Variants in SNTG2 observed in about 807,000 individuals in gnomAD.
The protein encoded by SNTG2 is gamma-2-syntrophin.
SNTG2 carries 74 observed loss-of-function variants against 70.9 expected under a neutral mutation model. The ratio of observed to expected loss-of-function variants is 1.04; its 90% CI spans 0.86 to 1.27. The LOEUF (loss-of-function observed/expected upper bound fraction) is 1.27, where lower values mean the gene tolerates loss of function less well. Among genes scored for constraint, SNTG2 ranks in the 50% most tolerant of loss-of-function variants. SNTG2 has a pLI of 0.00. For missense variants in SNTG2, 717 were observed against 690.7 expected (o/e 1.04, Z -0.43); for synonymous variants, 278 against 273.8 (o/e 1.02, Z -0.15).
At chr2:1,293,271 A>G (rs1680064501) in intron 14 of SNTG2, among the ~76,000 whole-genome samples, 1 of 151,560 alleles carries the variant, frequency 6.6e-6, no homozygotes, top group South Asian at 2.1e-4. Context: ...CAGATAAAGC[A>G]TTGCCATTTT....
intron 16 of SNTG2, among the ~76,000 whole-genome samples, chr2:1,336,760 A>G (rs1022931019): frequency 6.6e-6 from 1 of 152,044 alleles, no homozygotes; most frequent in Non-Finnish European, 1.5e-5. Flanking sequence ...TAAAGGAGCA[A>G]CTGATGGTAA....
chr2:1,203,114 A>G (rs4505565), intron 8 of SNTG2, among the ~76,000 whole-genome samples: 32,708 of 152,128 alleles, frequency 0.22, 4,567 homozygotes, highest in East Asian at 0.42. Flanking sequence ...CCAGAATGCA[A>G]TTTCTTTTCA....
At chr2:1,336,501 T>C (rs1659824198) in intron 16 of SNTG2, among the ~76,000 whole-genome samples, 1 of 152,226 alleles carries the variant, frequency 6.6e-6, no homozygotes, top group Non-Finnish European at 1.5e-5. Context: ...TCATCGCTTA[T>C]GCCTTTGGAA....
Position 1,267,752 on chromosome 2 carries a change from A to ACC in SNTG2, c.1284+181_1284+182insCC, listed in dbSNP as rs1227574385. 3.6e-4 allele frequency among the ~76,000 whole-genome samples: 53 copies of ACC among 147,126 alleles called. No individual in the cohort carries two copies. In the South Asian group the frequency reaches 6.2e-3, roughly 17 times the overall value. On this transcript the variant is annotated intron_variant, in intron 14 of 16. Coordinates refer to ENST00000308624, the MANE Select transcript of SNTG2 (RefSeq NM_018968.4). ...GGAGTCATGCGCTCCGTGGATAAAT[A>ACC]TGAGCTGTAGTGGAAGGGAAGGGGA...
chr2:1,190,495 CTATATATATATATA>C (rs72001718), intron 8 of SNTG2, among the ~76,000 whole-genome samples: 3,668 of 90,772 alleles, frequency 0.04, 106 homozygotes, highest in Middle Eastern at 0.054. Flanking sequence ...GGAGGGCTGA[CTATATATATATATA>C]TATATATATA....
chr2:1,083,216 T>G (rs1295428514), intron 1 of SNTG2, among the ~76,000 whole-genome samples: 2 of 147,242 alleles, frequency 1.4e-5, no homozygotes, highest in East Asian at 2.0e-4. Flanking sequence ...GTGGGAAAAA[T>G]TATTAAAATA....
At chr2:1,114,181 C>T (rs1387859045) in intron 4 of SNTG2, among the ~76,000 whole-genome samples, 8 of 138,046 alleles carry the variant, frequency 5.8e-5, no homozygotes, top group African/African-American at 1.9e-4. Context: ...TCGTGTGTAA[C>T]TAAGTGAGGT....
chr2:1,122,825 C>T (rs1667461457), intron 4 of SNTG2, among the ~76,000 whole-genome samples: 1 of 151,098 alleles, frequency 6.6e-6, no homozygotes, highest in South Asian at 2.1e-4. Context: ...AAAGATTCCA[C>T]AGAAAAACTG....
chr2:1,031,097 A>G (rs1422462185), intron 1 of SNTG2, among the ~76,000 whole-genome samples: 1 of 152,212 alleles, frequency 6.6e-6, no homozygotes, highest in Non-Finnish European at 1.5e-5. Context: ...AAATTAGTGA[A>G]TTTGCAGGCT....
intron 14 of SNTG2, among the ~76,000 whole-genome samples, chr2:1,282,634 C>T (rs922242141): frequency 1.3e-5 from 2 of 152,220 alleles, no homozygotes; most frequent in East Asian, 1.9e-4. Flanking sequence ...CCGCCTCCCC[C>T]GCACAGCGCG....
intron 14 of SNTG2, among the ~76,000 whole-genome samples, chr2:1,270,170 C>T (rs1346394812): frequency 6.6e-6 from 1 of 152,138 alleles, no homozygotes; most frequent in Non-Finnish European, 1.5e-5. Flanking sequence ...TGAGCTCCAC[C>T]CCAGGTAGTG....
intron 1 of SNTG2, chr2:1,068,258 C>T (rs1663286961): frequency 6.6e-6 from 1 of 152,058 alleles, no homozygotes. Flanking sequence ...GTCAGCAGGC[C>T]TTGTTTTTAA....
intron 4 of SNTG2, among the ~76,000 whole-genome samples, chr2:1,105,515 C>CTTCA (rs1409825075): frequency 6.6e-6 from 1 of 152,186 alleles, no homozygotes; most frequent in Admixed American, 6.5e-5. Flanking sequence ...TTAAGGCAGC[C>CTTCA]TTCAGCCTAC....
intron 15 of SNTG2, among the ~76,000 whole-genome samples, chr2:1,312,394 T>C (rs1681043910): frequency 6.6e-6 from 1 of 152,154 alleles, no homozygotes; most frequent in Non-Finnish European, 1.5e-5. Flanking sequence ...ACTTCCCTCC[T>C]GTTCCATGTA....
intron 8 of SNTG2, among the ~76,000 whole-genome samples, chr2:1,189,229 T>C (rs1672429428): frequency 6.6e-6 from 1 of 152,176 alleles, no homozygotes. Flanking sequence ...AAGACCTTTA[T>C]AAAAATATGA....
In SNTG2 at chr2:1,308,382, A is replaced by G. The variant is rs13417743; in HGVS notation, c.1285-112A>G. 3.6e-3 allele frequency: 3,519 copies of G among 967,680 alleles called. 80 individuals carry two copies. In the African/African-American group the frequency reaches 0.047, roughly 13 times the overall value. The allele number at this position is 967,680 out of a possible 1,614,324, so 59.9% of individuals were successfully genotyped here. A position where few individuals can be genotyped will look rare whatever the true frequency, so the allele number is the denominator to read the frequency against. ...CTGTTTTGTTCCCCGTAACTTGCAT[A>G]TGAGAGCATTTTATAATTTTTGACC... is the stretch of plus-strand genomic sequence containing the variant. On this transcript the variant is annotated intron_variant, in intron 14 of 16. Transcript: ENST00000308624.
chr2:1,149,726 T>G (rs569667260), intron 6 of SNTG2, among the ~76,000 whole-genome samples: 10 of 146,122 alleles, frequency 6.8e-5, no homozygotes, highest in African/African-American at 2.5e-4. Flanking sequence ...CTGGCTCTGT[T>G]GCCCAGGCTG....
chr2:1,034,610 A>G (rs1386652136), intron 1 of SNTG2, among the ~76,000 whole-genome samples: 1 of 152,076 alleles, frequency 6.6e-6, no homozygotes, highest in Non-Finnish European at 1.5e-5. Flanking sequence ...CTGCAACATC[A>G]CCAGCATCTG....
chr2:1,087,275 T>G (rs541924506), intron 2 of SNTG2, among the ~76,000 whole-genome samples: 1 of 152,212 alleles, frequency 6.6e-6, no homozygotes, highest in Non-Finnish European at 1.5e-5. Context: ...ATGAAGAGTT[T>G]GGAGGGCTTT....
Sources: allele counts gnomAD v4.1 joint callset (sites outside exome capture counted in the v4.1 genomes callset), GRCh38; gene constraint gnomAD v4.1.1; transcripts MANE v1.5; gene names NCBI Gene and HGNC (gene_info 2026-07-23, HGNC 2026-07-21).